PTPRK: variants seen among roughly 807,000 people sequenced by gnomAD.
PTPRK encodes protein tyrosine phosphatase receptor type K, also known as receptor-type tyrosine-protein phosphatase kappa.
PTPRK carries 75 observed loss-of-function variants against 178.0 expected under a neutral mutation model. The observed-to-expected ratio is 0.42, with a 90% CI of 0.35 to 0.51. PTPRK has a LOEUF of 0.51. Among genes scored for constraint, PTPRK ranks in the 20% least tolerant of loss-of-function variants. The probability of loss-of-function intolerance (pLI) is 0.02; values close to 1 mark genes in which losing one functional copy is unlikely to be tolerated. For synonymous variants in PTPRK, 637 were observed against 620.6 expected (o/e 1.03, Z -0.39); for missense variants, 1,441 against 1,797.8 (o/e 0.80, Z 3.59).
intron 22 of PTPRK, among the ~76,000 whole-genome samples, chr6:127,984,502 G>A (rs528224494): frequency 6.6e-6 from 1 of 152,170 alleles, no homozygotes; most frequent in Non-Finnish European, 1.5e-5. Flanking sequence ...CAGTGTAGGT[G>A]GAAAATGACA....
At chr6:128,123,967 G>A (rs976477264) in intron 7 of PTPRK, among the ~76,000 whole-genome samples, 3 of 151,710 alleles carry the variant, frequency 2.0e-5, no homozygotes, top group African/African-American at 4.8e-5. Context: ...TGTGGATGCC[G>A]ACCTTCACTA....
chr6:128,007,532 A>G (rs1261912092), intron 14 of PTPRK, among the ~76,000 whole-genome samples: 3 of 150,966 alleles, frequency 2.0e-5, no homozygotes, highest in Admixed American at 6.6e-5. Context: ...GAGCTGTCAG[A>G]GCATTTTACC....
At chr6:128,090,894 G>A (rs1286767610) in intron 7 of PTPRK, among the ~76,000 whole-genome samples, 2 of 152,148 alleles carry the variant, frequency 1.3e-5, no homozygotes, top group Non-Finnish European at 2.9e-5. Flanking sequence ...AAAGTCAAGG[G>A]ATTTCCGATG....
At chr6:128,208,040 T>C (rs189275284) in intron 6 of PTPRK, among the ~76,000 whole-genome samples, 115 of 152,228 alleles carry the variant, frequency 7.6e-4, no homozygotes, top group Non-Finnish European at 7.4e-4. Context: ...ATCTCGCATT[T>C]CTACCATCCA....
At chr6:128,498,156 A>G (rs1240608158) in intron 1 of PTPRK, among the ~76,000 whole-genome samples, 2 of 152,198 alleles carry the variant, frequency 1.3e-5, no homozygotes, top group East Asian at 3.8e-4. Flanking sequence ...AAGAATGTTA[A>G]AAAGACAAAT....
intron 29 of PTPRK, 82 bp from the exon 30 acceptor site, chr6:127,970,362 C>A: frequency 1.8e-6 from 2 of 1,116,156 alleles, no homozygotes; most frequent in Non-Finnish European, 2.6e-6. Flanking sequence ...TGAAACTTGA[C>A]AACCAATTTA....
At chr6:128,373,134 A>G (rs557849893) in intron 2 of PTPRK, among the ~76,000 whole-genome samples, 1 of 152,318 alleles carries the variant, frequency 6.6e-6, no homozygotes, top group South Asian at 2.1e-4. Flanking sequence ...CTAACCAACC[A>G]ATTAGAATTA....
intron 2 of PTPRK, among the ~76,000 whole-genome samples, chr6:128,351,014 T>C (rs1032656545): frequency 6.6e-6 from 1 of 152,144 alleles, no homozygotes; most frequent in Non-Finnish European, 1.5e-5. Context: ...TGCTGATGAA[T>C]CATAAAAGTG....
intron 1 of PTPRK, among the ~76,000 whole-genome samples, chr6:128,448,077 C>G (rs1033750010): frequency 2.1e-4 from 32 of 152,134 alleles, no homozygotes; most frequent in African/African-American, 7.5e-4. Flanking sequence ...TTCACATGGC[C>G]AGCCACCAGC....
At chr6:128,122,851 A>C (rs1303284912) in intron 7 of PTPRK, among the ~76,000 whole-genome samples, 1 of 152,180 alleles carries the variant, frequency 6.6e-6, no homozygotes, top group Non-Finnish European at 1.5e-5. Context: ...GACTAATAAT[A>C]TACTCAATTG....
At chr6:128,127,236 T>C (rs1205709269) in intron 7 of PTPRK, among the ~76,000 whole-genome samples, 2 of 152,230 alleles carry the variant, frequency 1.3e-5, no homozygotes, top group East Asian at 3.8e-4. Context: ...TCCAACTTTT[T>C]GTTTTCCTTC....
chr6:128,086,736 C>T (rs554427653), intron 8 of PTPRK, among the ~76,000 whole-genome samples: 1 of 152,044 alleles, frequency 6.6e-6, no homozygotes. Context: ...AGCTCACATG[C>T]TGATTTGAAG....
At position 127,969,874 on chromosome 6, in the gene PTPRK, C is replaced by T. The variant is rs899791578; in HGVS notation, c.*353G>A. On this transcript the variant is annotated 3_prime_UTR_variant, in exon 30 of 30. Coordinates refer to ENST00000368226, the MANE Select transcript of PTPRK (RefSeq NM_002844.4). ...ATTTTAGAAAGGGAGAAAAATGCCACGTAGAAAGTATGAACTCATGCAACA... is the reference window on the plus strand; with the variant it reads ...ATTTTAGAAAGGGAGAAAAATGCCATGTAGAAAGTATGAACTCATGCAACA... 16 of 171,002 alleles carry T rather than the reference C, an allele frequency of 9.4e-5. No individual in the cohort carries two copies. Among genetic ancestry groups the T allele is most frequent in the African/African-American group, 3.1e-4 (13 of 42,254 alleles). The allele number at this position is 171,002 out of a possible 1,614,324, so 10.6% of individuals were successfully genotyped here. A position where few individuals can be genotyped will look rare whatever the true frequency, so the allele number is the denominator to read the frequency against.
At chr6:128,179,234 A>G (rs1275126721) in intron 7 of PTPRK, among the ~76,000 whole-genome samples, 1 of 152,058 alleles carries the variant, frequency 6.6e-6, no homozygotes, top group Non-Finnish European at 1.5e-5. Flanking sequence ...CATTGGTTGT[A>G]TAACTTTGAA....
intron 5 of PTPRK, chr6:128,238,292 G>T (rs1271979100): frequency 5.6e-6 from 2 of 357,264 alleles, no homozygotes; most frequent in East Asian, 7.9e-5. Flanking sequence ...TACAAAAATG[G>T]CAGGAGGAAC....
At chr6:128,084,960 G>C (rs968305718) in intron 8 of PTPRK, 1 of 152,074 alleles carries the variant, frequency 6.6e-6, no homozygotes, top group Non-Finnish European at 1.5e-5. Flanking sequence ...TAGCAATTTT[G>C]TGAGGATTGA....
Position 128,452,705 on chromosome 6 carries a change from G to T in PTPRK, c.101-55017C>A, listed in dbSNP as rs545007501. Reference sequence around the variant, plus strand: ...CAACACCAGGGAGGAACTGAAAAATGAAAACAAGCACACTATAGAGATATG... The same window carrying T: ...CAACACCAGGGAGGAACTGAAAAATTAAAACAAGCACACTATAGAGATATG... On this transcript the variant is annotated intron_variant, in intron 1 of 29. Transcript: ENST00000368226. Among the ~76,000 whole-genome samples the T allele has an allele frequency of 5.6e-4, 85 of 152,236 alleles. No individual in the cohort carries two copies. The South Asian group carries it at 8.5e-3, about 15-fold the overall frequency.
At chr6:128,391,202 G>C (rs1839509751) in intron 2 of PTPRK, among the ~76,000 whole-genome samples, 1 of 151,998 alleles carries the variant, frequency 6.6e-6, no homozygotes, top group South Asian at 2.1e-4. Flanking sequence ...TTAAACATCT[G>C]AAGTTTTCAC....
intron 1 of PTPRK, among the ~76,000 whole-genome samples, chr6:128,448,100 C>T (rs1252456306): frequency 6.6e-6 from 1 of 152,016 alleles, no homozygotes; most frequent in Middle Eastern, 3.2e-3. Flanking sequence ...TGTTGGATGC[C>T]CCTTTATGCA....
Sources: gnomAD v4.1 joint callset for allele counts (sites outside exome capture counted in the v4.1 genomes callset) on GRCh38, gnomAD v4.1.1 for gene constraint, MANE v1.5 for transcripts, NCBI Gene and HGNC (gene_info 2026-07-23, HGNC 2026-07-21) for gene names.